UCHL3: variants seen among roughly 807,000 people sequenced by gnomAD.
UCHL3 encodes the protein ubiquitin C-terminal hydrolase L3.
UCHL3 carries 22 observed loss-of-function variants against 35.8 expected under a neutral mutation model. The observed-to-expected ratio is 0.61, with a 90% CI of 0.44 to 0.88. The LOEUF (loss-of-function observed/expected upper bound fraction) is 0.88, where lower values mean the gene tolerates loss of function less well. Ranked by LOEUF, UCHL3 falls within the 40% of genes least tolerant of loss-of-function variation. UCHL3 has a pLI of 0.00. For missense variants in UCHL3, 229 were observed against 276.9 expected (o/e 0.83, Z 1.23); for synonymous variants, 90 against 92.8 (o/e 0.97, Z 0.17).
At chr13:75,551,917 A>G (rs1311729461) in intron 2 of UCHL3, among the ~76,000 whole-genome samples, 2 of 152,196 alleles carry the variant, frequency 1.3e-5, no homozygotes, top group African/African-American at 2.4e-5. Flanking sequence ...CTGCTTTTCA[A>G]TCCAGTTGAA....
intron 6 of UCHL3, among the ~76,000 whole-genome samples, chr13:75,581,075 G>A (rs1040401360): frequency 1.3e-5 from 2 of 151,694 alleles, no homozygotes; most frequent in African/African-American, 4.8e-5. Context: ...CCTATTAACC[G>A]GAAATCTTAC....
chr13:75,590,100 C>G (rs780661979), intron 6 of UCHL3: 103 of 1,304,106 alleles, frequency 7.9e-5, no homozygotes, highest in Non-Finnish European at 1.0e-4. Context: ...ACCCTTCTTA[C>G]GTCTACCATC....
Position 75,549,857 on chromosome 13 carries a change from C to A in UCHL3, c.37C>A (p.Pro13Thr), listed in dbSNP as rs1215722441. 1 of 1,608,146 alleles carries A rather than the reference C, an allele frequency of 6.2e-7. No homozygotes were observed. Among genetic ancestry groups the A allele is most frequent in the African/African-American group, 1.3e-5 (1 of 74,764 alleles). The change falls in exon 1 of 9, where the codon CCC (proline) becomes ACC (threonine). Residue 13 changes from proline (P) to threonine (T), a missense_variant. Coordinates refer to ENST00000377595, the MANE Select transcript of UCHL3 (RefSeq NM_006002.5). Reference protein sequence around the residue: ...GQRWLPLEANPEVTNQFLKQL... With the variant: ...GQRWLPLEANTEVTNQFLKQL... ...ACGCTGGCTGCCGCTGGAGGCCAAT[C>A]CCGAGGTGGGCGCGCTTCGGGGCAG...
intron 6 of UCHL3, among the ~76,000 whole-genome samples, chr13:75,582,213 T>C (rs2138534501): frequency 6.6e-6 from 1 of 152,284 alleles, no homozygotes; most frequent in South Asian, 2.1e-4. Flanking sequence ...GTGTTTAAAC[T>C]CAGAGGATTT....
At chr13:75,570,329 C>T (rs975414232) in intron 6 of UCHL3, among the ~76,000 whole-genome samples, 6 of 152,020 alleles carry the variant, frequency 3.9e-5, no homozygotes, top group South Asian at 2.1e-4. Context: ...CTCCGCCTCC[C>T]GGGTCACTCC....
At chr13:75,587,021 A>T (rs2032343382) in intron 6 of UCHL3, among the ~76,000 whole-genome samples, 1 of 150,308 alleles carries the variant, frequency 6.7e-6, no homozygotes, top group Non-Finnish European at 1.5e-5. Context: ...AGGTAGCAAA[A>T]AAAAAAAAAA....
chr13:75,569,204 C>G, intron 5 of UCHL3: 1 of 329,520 alleles, frequency 3.0e-6, no homozygotes, highest in Non-Finnish European at 5.4e-6. Context: ...ATGGCCCCTA[C>G]TTAGAGCCTG....
chr13:75,595,809 C>G (rs1382534147), intron 7 of UCHL3, among the ~76,000 whole-genome samples: 1 of 147,016 alleles, frequency 6.8e-6, no homozygotes, highest in Non-Finnish European at 1.5e-5. Flanking sequence ...TTAAGTTTAC[C>G]TTTCAGTGGA....
intron 2 of UCHL3, 122 bp downstream of exon 2, chr13:75,550,109 CTTG>C: frequency 4.7e-6 from 7 of 1,483,934 alleles, no homozygotes; most frequent in Non-Finnish European, 6.6e-6. Context: ...GAGGGCCCCT[CTTG>C]TTCGGCTTTA....
intron 6 of UCHL3, among the ~76,000 whole-genome samples, chr13:75,576,241 T>C (rs2032018655): frequency 6.6e-6 from 1 of 151,450 alleles, no homozygotes; most frequent in Non-Finnish European, 1.5e-5. Flanking sequence ...ATTATTATTA[T>C]TTTTCTGATG....
chr13:75,579,653 A>G (rs1430759254), intron 6 of UCHL3, among the ~76,000 whole-genome samples: 1 of 152,048 alleles, frequency 6.6e-6, no homozygotes, highest in African/African-American at 2.4e-5. Context: ...ACTTATTTTA[A>G]AGGAAAATTC....
intron 6 of UCHL3, among the ~76,000 whole-genome samples, chr13:75,594,599 C>T (rs1214309075): frequency 6.6e-6 from 1 of 152,058 alleles, no homozygotes; most frequent in African/African-American, 2.4e-5. Context: ...AGTAAGTATG[C>T]AATGTGCATA....
At chr13:75,558,468 T>C (rs1404648470) in intron 2 of UCHL3, among the ~76,000 whole-genome samples, 1 of 152,234 alleles carries the variant, frequency 6.6e-6, no homozygotes, top group East Asian at 1.9e-4. Context: ...CTGTTGTATG[T>C]ACCATCGTGT....
chr13:75,572,443 T>A (rs537330453), intron 6 of UCHL3, among the ~76,000 whole-genome samples: 4 of 152,246 alleles, frequency 2.6e-5, no homozygotes, highest in Non-Finnish European at 5.9e-5. Flanking sequence ...TATTCCCATC[T>A]TAGTGGTTCA....
At chr13:75,592,481 T>TC (rs1156375457) in intron 6 of UCHL3, among the ~76,000 whole-genome samples, 2 of 92,750 alleles carry the variant, frequency 2.2e-5, no homozygotes, top group Non-Finnish European at 4.8e-5. Context: ...GGAAAAAAGA[T>TC]CCCATCTATA....
chr13:75,605,813 C>T lies in UCHL3; in HGVS notation c.*1C>T. Reference sequence around the variant, plus strand: ...TGCGATTGCTCTTTCTGCAGCATAGCTTGTCAATAATGGAAACACCAAAAA... The same window carrying T: ...TGCGATTGCTCTTTCTGCAGCATAGTTTGTCAATAATGGAAACACCAAAAA... On this transcript the variant is annotated 3_prime_UTR_variant, in exon 9 of 9. Transcript: ENST00000377595. The T allele has an allele frequency of 6.2e-7, 1 of 1,613,804 alleles. No homozygotes were observed. The highest frequency in any genetic ancestry group is 2.2e-5 in the East Asian group (1 of 44,856).
intron 5 of UCHL3, among the ~76,000 whole-genome samples, chr13:75,568,895 A>G (rs1318688555): frequency 1.3e-5 from 2 of 152,142 alleles, no homozygotes; most frequent in East Asian, 1.9e-4. Flanking sequence ...GTAATTTACT[A>G]TTGTGCCCAT....
At chr13:75,605,196 G>C (rs919423349) in intron 8 of UCHL3, among the ~76,000 whole-genome samples, 1 of 152,144 alleles carries the variant, frequency 6.6e-6, no homozygotes, top group Non-Finnish European at 1.5e-5. Flanking sequence ...TAGTTGAAAA[G>C]TTTCTTAATA....
At chr13:75,560,011 G>T (rs979130005) in intron 2 of UCHL3, among the ~76,000 whole-genome samples, 21 of 152,010 alleles carry the variant, frequency 1.4e-4, no homozygotes, top group African/African-American at 4.8e-4. Flanking sequence ...CAGTTATTTT[G>T]CCAGATATAA....
Sources: gnomAD v4.1 joint callset for allele counts (sites outside exome capture counted in the v4.1 genomes callset) on GRCh38, gnomAD v4.1.1 for gene constraint, MANE v1.5 for transcripts, NCBI Gene and HGNC (gene_info 2026-07-23, HGNC 2026-07-21) for gene names.